Variants in SLC44A5 observed in about 807,000 individuals in gnomAD.
SLC44A5 encodes the protein choline transporter-like protein 5.
In SLC44A5, 57 loss-of-function variants were observed where a neutral mutation model predicts 101.8. The observed-to-expected ratio is 0.56, with a 90% CI of 0.45 to 0.70. SLC44A5 has a LOEUF of 0.70. SLC44A5 is among the 30% of genes least tolerant of loss of function. SLC44A5 has a pLI of 0.00. For missense variants in SLC44A5, 737 were observed against 853.1 expected (o/e 0.86, Z 1.70); for synonymous variants, 281 against 290.9 (o/e 0.97, Z 0.35).
intron 5 of SLC44A5, among the ~76,000 whole-genome samples, chr1:75,283,287 G>A (rs1202537537): frequency 6.6e-6 from 1 of 151,922 alleles, no homozygotes; most frequent in African/African-American, 2.4e-5. Flanking sequence ...TTGGCCATTT[G>A]TATATCTTCT....
At chr1:75,547,911 T>G (rs189555896) in intron 1 of SLC44A5, among the ~76,000 whole-genome samples, 10 of 152,322 alleles carry the variant, frequency 6.6e-5, no homozygotes, top group Non-Finnish European at 1.0e-4. Flanking sequence ...CAGTTAATAG[T>G]CTAAAGTCTG....
chr1:75,616,911 G>A, the SLC44A5 span, among the ~76,000 whole-genome samples: 2 of 152,194 alleles, frequency 1.3e-5, no homozygotes, highest in African/African-American at 4.8e-5. Flanking sequence ...GCCTCCAGCA[G>A]AAACTTGGTT....
In SLC44A5 at chr1:75,361,556, T is replaced by C. The variant is rs561827547; in HGVS notation, c.53-21926A>G. 1.8e-3 allele frequency among the ~76,000 whole-genome samples: 267 copies of C among 152,118 alleles called. 1 individual carries two copies. The highest frequency in any genetic ancestry group is 6.1e-3 in the African/African-American group (253 of 41,554). On this transcript the variant is annotated intron_variant, in intron 3 of 23. Coordinates refer to ENST00000370859, the MANE Select transcript of SLC44A5 (RefSeq NM_001130058.2). ...AATCTGTTGAGAGTTTTTATCATAATAGGGTGTTAAATTTTGTCAAACGCT... is the reference window on the plus strand; with the variant it reads ...AATCTGTTGAGAGTTTTTATCATAACAGGGTGTTAAATTTTGTCAAACGCT...
chr1:75,466,239 T>C (rs1403409749), intron 2 of SLC44A5, among the ~76,000 whole-genome samples: 1 of 152,168 alleles, frequency 6.6e-6, no homozygotes, highest in Non-Finnish European at 1.5e-5. Flanking sequence ...AGCCAATCCA[T>C]GTGATATATC....
rs549976946 is a variant in SLC44A5 at position 75,450,646 on chromosome 1, G to A, written c.14-54025C>T. Among the ~76,000 whole-genome samples, 3 of 152,312 alleles carry A rather than the reference G, an allele frequency of 2.0e-5. No homozygotes were observed. The East Asian group carries it at 5.8e-4, about 30-fold the overall frequency. ...GACTTGTAGCCACAGCCAGCTTGAA[G>A]ACATGAAACGGGTCTATGTACGCTA... On this transcript the variant is annotated intron_variant, in intron 2 of 23. Transcript: ENST00000370859.
intron 2 of SLC44A5, among the ~76,000 whole-genome samples, chr1:75,513,118 T>C (rs904924674): frequency 2.6e-5 from 4 of 152,198 alleles, no homozygotes; most frequent in African/African-American, 7.2e-5. Context: ...AAGTCAAATC[T>C]TCTGTCCAGT....
At chr1:75,675,815 G>T in the SLC44A5 span, among the ~76,000 whole-genome samples, 1 of 151,994 alleles carries the variant, frequency 6.6e-6, no homozygotes, top group African/African-American at 2.4e-5. Context: ...TCTAACAAAG[G>T]TCTAATATCC....
chr1:75,679,137 T>C, the SLC44A5 span, among the ~76,000 whole-genome samples: 2 of 152,176 alleles, frequency 1.3e-5, no homozygotes, highest in African/African-American at 4.8e-5. Flanking sequence ...TACATCTGAT[T>C]GGTGTACCTG....
intron 1 of SLC44A5, among the ~76,000 whole-genome samples, chr1:75,579,494 A>C (rs1474961494): frequency 6.6e-6 from 1 of 151,774 alleles, no homozygotes; most frequent in Non-Finnish European, 1.5e-5. Context: ...GCTTAGAATA[A>C]GTTATAGGTC....
intron 2 of SLC44A5, among the ~76,000 whole-genome samples, chr1:75,474,877 G>A (rs763166070): frequency 2.0e-5 from 3 of 152,194 alleles, no homozygotes; most frequent in Non-Finnish European, 4.4e-5. Flanking sequence ...GCATATGTTA[G>A]TAACTGGAAT....
intron 1 of SLC44A5, among the ~76,000 whole-genome samples, chr1:75,600,333 A>C (rs1674897105): frequency 6.6e-6 from 1 of 152,172 alleles, no homozygotes; most frequent in Non-Finnish European, 1.5e-5. Context: ...AAATAAAGGA[A>C]AAAAAGTTGA....
intron 2 of SLC44A5, among the ~76,000 whole-genome samples, chr1:75,516,951 A>G (rs1218976825): frequency 6.6e-6 from 1 of 152,190 alleles, no homozygotes; most frequent in Non-Finnish European, 1.5e-5. Context: ...GAAGAATTGC[A>G]TGTGGCTCTC....
the SLC44A5 span, among the ~76,000 whole-genome samples, chr1:75,711,096 C>G: frequency 2.1e-3 from 322 of 152,270 alleles, 2 homozygotes; most frequent in African/African-American, 7.2e-3. Context: ...ATTCCCAAGA[C>G]AGCCAATCTG....
chr1:75,471,679 C>T (rs989667651), intron 2 of SLC44A5, among the ~76,000 whole-genome samples: 2 of 151,940 alleles, frequency 1.3e-5, no homozygotes, highest in Admixed American at 6.6e-5. Context: ...TTCCACTGCC[C>T]TCTATTTCTT....
chr1:75,333,923 C>T (rs1439764313), intron 4 of SLC44A5, among the ~76,000 whole-genome samples: 1 of 152,142 alleles, frequency 6.6e-6, no homozygotes, highest in African/African-American at 2.4e-5. Flanking sequence ...CTTTCCATTC[C>T]TCAAACATTC....
chr1:75,215,719 A>C (rs766949646), intron 19 of SLC44A5, 35 bp downstream of exon 19: 4 of 1,289,616 alleles, frequency 3.1e-6, no homozygotes, highest in Non-Finnish European at 3.4e-6. Context: ...GATTGCAAAG[A>C]AGCAGCTTAG....
chr1:75,694,587 T>C, the SLC44A5 span, among the ~76,000 whole-genome samples: 1 of 152,102 alleles, frequency 6.6e-6, no homozygotes, highest in Non-Finnish European at 1.5e-5. Flanking sequence ...ATGTGGGACA[T>C]AGGTACCTTA....
At chr1:75,264,355 G>A (rs1010403006) in intron 6 of SLC44A5, among the ~76,000 whole-genome samples, 2 of 152,156 alleles carry the variant, frequency 1.3e-5, no homozygotes, top group Admixed American at 6.5e-5. Context: ...GCTGCCACAC[G>A]TTTACAGTTC....
chr1:75,416,833 CT>C (rs1663680372), intron 2 of SLC44A5, among the ~76,000 whole-genome samples: 1 of 152,198 alleles, frequency 6.6e-6, no homozygotes, highest in African/African-American at 2.4e-5. Flanking sequence ...CCTGTAGCCC[CT>C]TTGTTTTGGC....
Sources: gnomAD v4.1 joint callset for allele counts (sites outside exome capture counted in the v4.1 genomes callset) on GRCh38, gnomAD v4.1.1 for gene constraint, MANE v1.5 for transcripts, NCBI Gene and HGNC (gene_info 2026-07-23, HGNC 2026-07-21) for gene names.